PTPRO: variants seen among roughly 807,000 people sequenced by gnomAD.
The protein encoded by PTPRO is receptor-type tyrosine-protein phosphatase O.
Under a neutral mutation model 145.2 loss-of-function variants are expected in PTPRO, and 62 were observed. The observed-to-expected ratio is 0.43, with a 90% CI of 0.35 to 0.53. The LOEUF (loss-of-function observed/expected upper bound fraction) is 0.53, where lower values mean the gene tolerates loss of function less well. Ranked by LOEUF, PTPRO falls within the 20% of genes least tolerant of loss-of-function variation. PTPRO has a pLI of 0.01. For synonymous variants in PTPRO, 565 were observed against 514.7 expected (o/e 1.10, Z -1.32); for missense variants, 1,345 against 1,482.7 (o/e 0.91, Z 1.53).
At chr12:15,554,386 A>T (rs1292824341) in intron 15 of PTPRO, among the ~76,000 whole-genome samples, 1 of 150,650 alleles carries the variant, frequency 6.6e-6, no homozygotes, top group Non-Finnish European at 1.5e-5. Flanking sequence ...ATCCTATTAG[A>T]TATTATATAT....
intron 17 of PTPRO, among the ~76,000 whole-genome samples, chr12:15,561,915 G>A (rs1943783275): frequency 6.6e-6 from 1 of 151,964 alleles, no homozygotes; most frequent in African/African-American, 2.4e-5. Flanking sequence ...TTCCTTAATA[G>A]GCCTCATTGA....
chr12:15,469,201 G>A (rs1469319594), intron 1 of PTPRO, among the ~76,000 whole-genome samples: 1 of 152,030 alleles, frequency 6.6e-6, no homozygotes, highest in Non-Finnish European at 1.5e-5. Flanking sequence ...TCAATAAGTG[G>A]GACAGCTACA....
intron 1 of PTPRO, among the ~76,000 whole-genome samples, chr12:15,387,534 GA>G (rs1939063339): frequency 6.6e-6 from 1 of 152,070 alleles, no homozygotes; most frequent in Non-Finnish European, 1.5e-5. Flanking sequence ...ACCCCTCAGT[GA>G]AGTCCTCCTT....
At chr12:15,374,997 C>G (rs1004447294) in intron 1 of PTPRO, among the ~76,000 whole-genome samples, 2 of 152,110 alleles carry the variant, frequency 1.3e-5, no homozygotes, top group African/African-American at 4.8e-5. Context: ...CTGAAGTTCC[C>G]CAACACACAC....
intron 7 of PTPRO, among the ~76,000 whole-genome samples, chr12:15,514,498 T>G (rs943058467): frequency 2.1e-5 from 3 of 144,820 alleles, no homozygotes; most frequent in Non-Finnish European, 4.5e-5. Context: ...GAAGGTCTCA[T>G]GTAAATGAGA....
intron 10 of PTPRO, among the ~76,000 whole-genome samples, chr12:15,520,806 T>C (rs1196409671): frequency 6.6e-6 from 1 of 152,212 alleles, no homozygotes; most frequent in African/African-American, 2.4e-5. Context: ...GCATACCACA[T>C]ATAACCTTGA....
At chr12:15,439,261 A>G (rs991691582) in intron 1 of PTPRO, among the ~76,000 whole-genome samples, 1 of 152,212 alleles carries the variant, frequency 6.6e-6, no homozygotes, top group African/African-American at 2.4e-5. Flanking sequence ...CTTAAGAGAG[A>G]TCCTTAAGGG....
intron 18 of PTPRO, among the ~76,000 whole-genome samples, chr12:15,566,373 C>A (rs1018972320): frequency 1.3e-5 from 2 of 152,122 alleles, no homozygotes; most frequent in African/African-American, 2.4e-5. Flanking sequence ...GGAAAGAAAT[C>A]ATGAGTAATC....
chr12:15,426,796 G>A (rs1940298155), intron 1 of PTPRO, among the ~76,000 whole-genome samples: 1 of 151,884 alleles, frequency 6.6e-6, no homozygotes, highest in Non-Finnish European at 1.5e-5. Context: ...CAGACACTCA[G>A]TTAAATTAAA....
intron 19 of PTPRO, among the ~76,000 whole-genome samples, chr12:15,574,276 C>T (rs767555594): frequency 4.6e-5 from 7 of 152,040 alleles, no homozygotes; most frequent in African/African-American, 1.4e-4. Flanking sequence ...AAATATACAC[C>T]GTTCCTTTAA....
chr12:15,505,517 T>C (rs1270679086), intron 6 of PTPRO, among the ~76,000 whole-genome samples: 2 of 152,202 alleles, frequency 1.3e-5, no homozygotes, highest in Admixed American at 6.5e-5. Context: ...AAGAGATGCA[T>C]CTTAATATTT....
intron 1 of PTPRO, among the ~76,000 whole-genome samples, chr12:15,349,247 T>TA (rs200807252): frequency 0.014 from 2,143 of 152,276 alleles, 28 homozygotes; most frequent in South Asian, 0.031. Flanking sequence ...AAGTAATAAA[T>TA]ACTAGTTTTC....
chr12:15,438,981 C>CAAAGATCTTAAGATCTTTCCTTAGGT (rs1214579979), intron 1 of PTPRO, among the ~76,000 whole-genome samples: 9 of 150,444 alleles, frequency 6.0e-5, no homozygotes, highest in South Asian at 2.2e-4. Context: ...TTTCCTTAGG[C>CAAAGATCTTAAGATCTTTCCTTAGGT]AAAGATCTTA....
chr12:15,400,625 A>G (rs895831014), intron 1 of PTPRO, among the ~76,000 whole-genome samples: 1 of 152,192 alleles, frequency 6.6e-6, no homozygotes, highest in Non-Finnish European at 1.5e-5. Flanking sequence ...CTTTCATCAT[A>G]TTCTATACAT....
At chr12:15,592,440 A>G (rs1469597945) in intron 25 of PTPRO, among the ~76,000 whole-genome samples, 1 of 152,106 alleles carries the variant, frequency 6.6e-6, no homozygotes, top group Non-Finnish European at 1.5e-5. Context: ...AGCCTTCTCT[A>G]CATTGCCTTG....
At position 15,549,159 on chromosome 12, in the gene PTPRO, T is replaced by C. The variant is rs778482722; in HGVS notation, c.2370T>C (p.Asn790=). The C allele has an allele frequency of 3.1e-6, 5 of 1,612,398 alleles. No individual in the cohort carries two copies. Among genetic ancestry groups the C allele is most frequent in the East Asian group, 2.2e-5 (1 of 44,858 alleles). Residue 790 remains asparagine, a synonymous_variant, in exon 14 of 27, where the codon AAT becomes AAC. Coordinates refer to ENST00000281171, the MANE Select transcript of PTPRO (RefSeq NM_030667.3). Reference sequence around the variant, plus strand: ...GCCTTCTTCCTGCCACTGCCTACAATTGTAGTGTCACCAGCTTTAGCCATG... The same window carrying C: ...GCCTTCTTCCTGCCACTGCCTACAACTGTAGTGTCACCAGCTTTAGCCATG... ...ISSLLPATAY[N]CSVTSFSHDS...
At chr12:15,456,396 A>T (rs1211095907) in intron 1 of PTPRO, among the ~76,000 whole-genome samples, 1 of 152,138 alleles carries the variant, frequency 6.6e-6, no homozygotes, top group Non-Finnish European at 1.5e-5. Flanking sequence ...GGATTTTTGC[A>T]TCTATGTTTA....
chr12:15,580,557 A>G, intron 21 of PTPRO, 140 bp from the exon 22 acceptor site: 1 of 952,366 alleles, frequency 1.1e-6, no homozygotes, highest in Non-Finnish European at 1.6e-6. Flanking sequence ...TGATTAAAAC[A>G]GGAGAAAACA....
chr12:15,553,967 G>C (rs1943544361), intron 15 of PTPRO, among the ~76,000 whole-genome samples: 1 of 152,232 alleles, frequency 6.6e-6, no homozygotes, highest in South Asian at 2.1e-4. Context: ...GGCTGAGCCA[G>C]GTGGATCACC....
Sources: allele counts gnomAD v4.1 joint callset (sites outside exome capture counted in the v4.1 genomes callset), GRCh38; gene constraint gnomAD v4.1.1; transcripts MANE v1.5; gene names NCBI Gene and HGNC (gene_info 2026-07-23, HGNC 2026-07-21).